CDC42BPB: variants seen among roughly 807,000 people sequenced by gnomAD.
The protein encoded by CDC42BPB is CDC42 binding protein kinase beta, also known as serine/threonine-protein kinase MRCK beta.
In CDC42BPB, 37 loss-of-function variants were observed where a neutral mutation model predicts 214.9. The observed-to-expected ratio is 0.17, with a 90% confidence interval of 0.13 to 0.23. The LOEUF (loss-of-function observed/expected upper bound fraction) is 0.23, where lower values mean the gene tolerates loss of function less well. CDC42BPB is among the 10% of genes least tolerant of loss of function. CDC42BPB has a pLI of 1.00. For synonymous variants in CDC42BPB, 931 were observed against 884.0 expected (o/e 1.05, Z -0.94); for missense variants, 1,694 against 2,227.0 (o/e 0.76, Z 4.82).
At chr14:102,985,992 G>C (rs1018458668) in intron 6 of CDC42BPB, among the ~76,000 whole-genome samples, 1 of 152,212 alleles carries the variant, frequency 6.6e-6, no homozygotes, top group South Asian at 2.1e-4. Context: ...CCCTGCTGGC[G>C]GGAGTGTCAG....
At chr14:103,020,760 G>T (rs1021926424) in intron 1 of CDC42BPB, among the ~76,000 whole-genome samples, 6 of 152,376 alleles carry the variant, frequency 3.9e-5, no homozygotes, top group African/African-American at 1.4e-4. Context: ...CCACCCTGGA[G>T]AGAGTTCACA....
At chr14:103,051,093 T>C (rs967551107) in intron 1 of CDC42BPB, among the ~76,000 whole-genome samples, 14 of 147,110 alleles carry the variant, frequency 9.5e-5, no homozygotes, top group African/African-American at 3.5e-4. Flanking sequence ...CAACACAGAT[T>C]GTTTAAAATC....
At position 102,943,184 on chromosome 14, in the gene CDC42BPB, G is replaced by A. The variant is rs1019497629; in HGVS notation, c.4408+707C>T. ...ATATTTTGTTATTTAGTAGAGATGA[G>A]GCTGGTATTGAACTTCTGAGCTCAA... On this transcript the variant is annotated intron_variant, in intron 30 of 36. Transcript: ENST00000361246. This position sits in a 1 kb window ranked among gnomAD's most constrained non-coding sequence, Gnocchi z 4.6. Among the ~76,000 whole-genome samples, 2 of 151,934 alleles carry A rather than the reference G, an allele frequency of 1.3e-5. No individual in the cohort carries two copies. The highest frequency in any genetic ancestry group is 2.4e-5 in the African/African-American group (1 of 41,368).
At chr14:103,011,734 A>G (rs1474260845) in intron 2 of CDC42BPB, among the ~76,000 whole-genome samples, 2 of 152,228 alleles carry the variant, frequency 1.3e-5, no homozygotes, top group Non-Finnish European at 2.9e-5. Flanking sequence ...ACAGTGCAAG[A>G]CGTCCATCTC....
intron 13 of CDC42BPB, among the ~76,000 whole-genome samples, chr14:102,970,722 C>T (rs1893436940): frequency 6.6e-6 from 1 of 152,268 alleles, no homozygotes; most frequent in Non-Finnish European, 1.5e-5. Flanking sequence ...GAGGGCAATC[C>T]CAGGCACTGT....
intron 7 of CDC42BPB, among the ~76,000 whole-genome samples, chr14:102,981,879 G>A (rs145036885): frequency 6.6e-6 from 1 of 152,036 alleles, no homozygotes; most frequent in Non-Finnish European, 1.5e-5. Flanking sequence ...TATGTAACAT[G>A]ATGCCACGTA....
At chr14:103,033,567 A>G (rs1041793439) in intron 1 of CDC42BPB, among the ~76,000 whole-genome samples, 1 of 152,160 alleles carries the variant, frequency 6.6e-6, no homozygotes, top group Non-Finnish European at 1.5e-5. Flanking sequence ...GAAATTTTAA[A>G]CTTTGAAATT....
rs370017384 is a variant in CDC42BPB at position 102,972,167 on chromosome 14, C to G, written c.1642-6G>C. ...TCTGAGGCTTCAACCAGTTGCTGAA[C>G]AAAAACAATTATAGATGTTTTACGT... On this transcript the variant is annotated splice_polypyrimidine_tract_variant and splice_region_variant and intron_variant, in intron 12 of 36. Coordinates refer to ENST00000361246, the MANE Select transcript of CDC42BPB (RefSeq NM_006035.4). The G allele has an allele frequency of 4.3e-6, 7 of 1,612,572 alleles. No homozygotes were observed. The African/African-American group carries it at 5.3e-5, about 12-fold the overall frequency.
rs142254629 is a variant in CDC42BPB, at chr14:102,945,283, C to T, written c.3811+379G>A. 3.4e-3 allele frequency: 1,589 copies of T among 461,800 alleles called. 8 individuals are homozygous for T. Among genetic ancestry groups the T allele is most frequent in the South Asian group, 5.2e-3 (333 of 64,606 alleles). The allele number at this position is 461,800 out of a possible 1,614,324, so 28.6% of individuals were successfully genotyped here. ...TGCTCCTAGACCCAGGGCTGTGGAG[C>T]GGGTGCATGCCAGGATACCTTTGCC... On this transcript the variant is annotated intron_variant, in intron 29 of 36. Transcript: ENST00000361246.
At chr14:103,002,367 T>C (rs1273952131) in intron 4 of CDC42BPB, among the ~76,000 whole-genome samples, 1 of 152,222 alleles carries the variant, frequency 6.6e-6, no homozygotes, top group Non-Finnish European at 1.5e-5. Context: ...ACATGGAATC[T>C]TCACAGGGGC....
chr14:102,959,758 C>T (rs34440792), intron 20 of CDC42BPB, 48 bp from the exon 21 acceptor site: 66,517 of 1,440,490 alleles, frequency 0.046, 1,615 homozygotes, highest in Admixed American at 0.064. Context: ...CTAAAGTCTA[C>T]ATATTATTTT....
At chr14:103,017,582 G>A (rs1426814935) in intron 1 of CDC42BPB, among the ~76,000 whole-genome samples, 1 of 152,072 alleles carries the variant, frequency 6.6e-6, no homozygotes, top group African/African-American at 2.4e-5. Flanking sequence ...GGAAACCATA[G>A]CCTCACTTCT....
At chr14:102,996,009 C>T (rs1419452961) in intron 5 of CDC42BPB, among the ~76,000 whole-genome samples, 1 of 152,236 alleles carries the variant, frequency 6.6e-6, no homozygotes, top group Non-Finnish European at 1.5e-5. Flanking sequence ...TTGATGTCTA[C>T]TATGCCCGGA....
At chr14:103,006,144 C>T (rs1196697144) in intron 3 of CDC42BPB, among the ~76,000 whole-genome samples, 1 of 152,122 alleles carries the variant, frequency 6.6e-6, no homozygotes, top group Admixed American at 6.6e-5. Flanking sequence ...CTGGAATCAT[C>T]ACAACCCCTC....
chr14:102,956,876 ACAATTTATAAAT>A (rs1892729159), intron 21 of CDC42BPB, among the ~76,000 whole-genome samples: 1 of 149,564 alleles, frequency 6.7e-6, no homozygotes, highest in Non-Finnish European at 1.5e-5. Flanking sequence ...TGCTTATATC[ACAATTTATAAAT>A]CAATTATGGG....
At chr14:102,968,415 T>C (rs1893320077) in intron 15 of CDC42BPB, 57 bp from the exon 16 acceptor site, 1 of 1,613,022 alleles carries the variant, frequency 6.2e-7, no homozygotes, top group Non-Finnish European at 8.5e-7. Context: ...GATATTCGTA[T>C]CTATGGCGTG....
intron 5 of CDC42BPB, among the ~76,000 whole-genome samples, chr14:102,987,139 G>C (rs149563493): frequency 6.6e-6 from 1 of 152,344 alleles, no homozygotes; most frequent in Non-Finnish European, 1.5e-5. Context: ...CGATCTGGGG[G>C]AAGACTGCTG....
intron 14 of CDC42BPB, among the ~76,000 whole-genome samples, chr14:102,969,396 G>A (rs569774269): frequency 1.3e-5 from 2 of 152,300 alleles, no homozygotes; most frequent in South Asian, 2.1e-4. Flanking sequence ...AATGTGATCC[G>A]GCTTTGGTCT....
intron 23 of CDC42BPB, among the ~76,000 whole-genome samples, chr14:102,953,594 C>T (rs1197606746): frequency 6.6e-6 from 1 of 152,232 alleles, no homozygotes. Context: ...ACTCGCAATG[C>T]TTGGAACTCA....
Sources: allele counts gnomAD v4.1 joint callset (sites outside exome capture counted in the v4.1 genomes callset), GRCh38; gene constraint gnomAD v4.1.1; non-coding constraint Gnocchi (gnomAD v3.1); transcripts MANE v1.5; gene names NCBI Gene and HGNC (gene_info 2026-07-23, HGNC 2026-07-21).